Variants in RERE observed in about 807,000 individuals in gnomAD.
The protein encoded by RERE is arginine-glutamic acid dipeptide repeats, also known as arginine-glutamic acid dipeptide repeats protein.
Under a neutral mutation model 146.1 loss-of-function variants are expected in RERE, and 40 were observed. The ratio of observed to expected loss-of-function variants is 0.27; its 90% confidence interval spans 0.21 to 0.36. RERE has a LOEUF of 0.36. Among genes scored for constraint, RERE ranks in the 10% least tolerant of loss-of-function variants. The pLI is 1.00. For synonymous variants in RERE, 1,003 were observed against 866.0 expected, an observed-to-expected ratio of 1.16 and a Z score of -2.78; for missense variants, 1,933 against 2,138.7, an observed-to-expected ratio of 0.90 and a Z score of 1.90.
chr1:8,389,705 C>T (rs941117706), intron 12 of RERE, among the ~76,000 whole-genome samples: 1 of 152,170 alleles, frequency 6.6e-6, no homozygotes, highest in African/African-American at 2.4e-5. Flanking sequence ...CACGGAAGGT[C>T]GCATGGAGGG....
intron 1 of RERE, among the ~76,000 whole-genome samples, chr1:8,701,315 CA>C (rs1286990012): frequency 3.1e-5 from 3 of 97,880 alleles, no homozygotes; most frequent in African/African-American, 1.8e-4. Flanking sequence ...CACACACACA[CA>C]CACACACGCA....
chr1:8,651,270 C>G (rs1647617330), intron 2 of RERE, among the ~76,000 whole-genome samples: 1 of 151,202 alleles, frequency 6.6e-6, no homozygotes, highest in African/African-American at 2.4e-5. Flanking sequence ...GTTAATAGGC[C>G]AGGTGTAAGC....
chr1:8,484,378 C>T (rs991774567), intron 10 of RERE, among the ~76,000 whole-genome samples: 4 of 151,858 alleles, frequency 2.6e-5, no homozygotes, highest in African/African-American at 9.7e-5. Flanking sequence ...ACCATTACTT[C>T]TTCATATTTA....
intron 1 of RERE, among the ~76,000 whole-genome samples, chr1:8,766,915 T>C (rs1214353228): frequency 6.6e-6 from 1 of 152,176 alleles, no homozygotes; most frequent in Non-Finnish European, 1.5e-5. Context: ...AATTTAATGT[T>C]AGTTATGTTT....
At position 8,358,483 on chromosome 1, in the gene RERE, C is replaced by T; in HGVS notation, c.4052G>A (p.Ser1351Asn). ...GGCGGTCGGGGGGATGGTGAGGGCG[C>T]TGTGCCGGGCAAAGTGCTCCATGGG... ...ANPMEHFARH[S>N]ALTIPPTAGP... Residue 1351 changes from serine to asparagine, a missense_variant, in exon 20 of 23, where the codon AGC (serine) becomes AAC (asparagine). By Grantham distance (46) the Ser-to-Asn change is conservative. Coordinates refer to ENST00000400908, the MANE Select transcript of RERE (RefSeq NM_001042681.2). The T allele has an allele frequency of 3.8e-6, 6 of 1,586,068 alleles. No individual in the cohort carries two copies. Among genetic ancestry groups the T allele is most frequent in the Non-Finnish European group, 5.1e-6 (6 of 1,165,396 alleles).
rs148152329 is a variant in RERE at position 8,516,962 on chromosome 1, C to T, written c.831-8287G>A. Among the ~76,000 whole-genome samples the T allele has an allele frequency of 1.1e-3, 161 of 152,104 alleles. 2 individuals are homozygous for T. Among genetic ancestry groups the T allele is most frequent in the African/African-American group, 3.8e-3 (158 of 41,486 alleles). On this transcript the variant is annotated intron_variant, in intron 7 of 22. Coordinates refer to ENST00000400908, the MANE Select transcript of RERE (RefSeq NM_001042681.2). ...GAGATGGTGGGGAGAGGGAGGGAGGCGGAGGGTGCGACCACAAAGGGAGAG... is the reference window on the plus strand; with the variant it reads ...GAGATGGTGGGGAGAGGGAGGGAGGTGGAGGGTGCGACCACAAAGGGAGAG...
chr1:8,574,317 T>C (rs1176074960), intron 4 of RERE, among the ~76,000 whole-genome samples: 1 of 149,588 alleles, frequency 6.7e-6, no homozygotes, highest in Non-Finnish European at 1.5e-5. Context: ...TGAAATATGT[T>C]AAGACTATGA....
chr1:8,473,741 A>G (rs1480615635), intron 10 of RERE, among the ~76,000 whole-genome samples: 1 of 152,246 alleles, frequency 6.6e-6, no homozygotes, highest in Non-Finnish European at 1.5e-5. Flanking sequence ...TTCATCTGTT[A>G]AATGGGCCTA....
chr1:8,733,616 C>A (rs1640134521), intron 1 of RERE, among the ~76,000 whole-genome samples: 1 of 152,194 alleles, frequency 6.6e-6, no homozygotes, highest in African/African-American at 2.4e-5. Flanking sequence ...AGAACTCTGC[C>A]AACCTTGTGA....
intron 8 of RERE, among the ~76,000 whole-genome samples, chr1:8,501,659 G>A (rs1409131100): frequency 2.3e-5 from 3 of 128,396 alleles, no homozygotes; most frequent in Admixed American, 7.3e-5. Flanking sequence ...GTCCGGGAGG[G>A]AGGTGGGGGG....
At position 8,362,828 on chromosome 1, in the gene RERE, C is replaced by G. The variant is rs1436023417; in HGVS notation, c.1757G>C (p.Ser586Thr). 1 of 1,613,214 alleles carries G rather than the reference C, an allele frequency of 6.2e-7. No homozygotes were observed. The change falls in exon 16 of 23, where the codon AGT becomes ACT. Residue 586 changes from serine to threonine, a missense_variant. Around this residue, in one of 11 missense-constraint regions of RERE, gnomAD observed 1,255 missense variants for 1,153.8 expected, o/e 1.09. Coordinates refer to ENST00000400908, the MANE Select transcript of RERE (RefSeq NM_001042681.2). Reference sequence around the variant, plus strand: ...GCTGGCTGGCTGCTTCTTCCGACCACTGCGTAGTGTCGACATCTGCCCACC... The same window carrying G: ...GCTGGCTGGCTGCTTCTTCCGACCAGTGCGTAGTGTCGACATCTGCCCACC... The part of the protein sequence containing the change: ...RSRGSMSTLR[S>T]GRKKQPASPD...
At chr1:8,765,064 A>G (rs1486729472) in intron 1 of RERE, among the ~76,000 whole-genome samples, 4 of 152,244 alleles carry the variant, frequency 2.6e-5, no homozygotes, top group Non-Finnish European at 5.9e-5. Flanking sequence ...CGTTCACAAC[A>G]GCATTTTTTT....
intron 4 of RERE, among the ~76,000 whole-genome samples, chr1:8,582,427 T>TG (rs1646378571): frequency 4.6e-5 from 7 of 151,366 alleles, no homozygotes; most frequent in Admixed American, 1.3e-4. Flanking sequence ...TTTTTTTTTT[T>TG]TGGGGGGTAG....
chr1:8,600,386 T>C (rs1043237217), intron 4 of RERE, among the ~76,000 whole-genome samples: 1 of 152,246 alleles, frequency 6.6e-6, no homozygotes, highest in South Asian at 2.1e-4. Flanking sequence ...TTAAGAATTT[T>C]TTAACAATTC....
intron 7 of RERE, among the ~76,000 whole-genome samples, chr1:8,537,710 A>C (rs1167048802): frequency 6.6e-6 from 1 of 152,228 alleles, no homozygotes; most frequent in East Asian, 1.9e-4. Context: ...ATTCTTCCCA[A>C]ATGTTAAAGG....
intron 11 of RERE, among the ~76,000 whole-genome samples, chr1:8,435,233 G>A (rs1008941408): frequency 6.6e-6 from 1 of 152,200 alleles, no homozygotes. Flanking sequence ...ATCACCATAT[G>A]TGATATGATT....
intron 1 of RERE, among the ~76,000 whole-genome samples, chr1:8,769,786 T>TTTTTTTA (rs1211047766): frequency 2.0e-5 from 3 of 151,854 alleles, no homozygotes; most frequent in African/African-American, 7.3e-5. Context: ...CCACACGATT[T>TTTTTTTA]TTTTTTATTT....
chr1:8,453,906 T>C (rs1007240889), intron 11 of RERE, among the ~76,000 whole-genome samples: 19 of 152,326 alleles, frequency 1.2e-4, no homozygotes, highest in Admixed American at 1.1e-3. Context: ...TTAGAGGCCC[T>C]ATCTGAAAAA....
chr1:8,425,468 G>A (rs1643998410), intron 11 of RERE, among the ~76,000 whole-genome samples: 1 of 152,116 alleles, frequency 6.6e-6, no homozygotes, highest in Non-Finnish European at 1.5e-5. Context: ...CTTCGCCAAG[G>A]CAGTGACATC....
Sources: allele counts gnomAD v4.1 joint callset (sites outside exome capture counted in the v4.1 genomes callset), GRCh38; gene constraint gnomAD v4.1.1; regional missense constraint gnomAD v4.1.1; transcripts MANE v1.5; gene names NCBI Gene and HGNC (gene_info 2026-07-23, HGNC 2026-07-21).